Variants in NRXN3 observed in about 807,000 individuals in gnomAD.
The protein encoded by NRXN3 is neurexin 3, also known as neurexin III.
In NRXN3, 32 loss-of-function variants were observed where a neutral mutation model predicts 137.6. That is an observed-to-expected ratio of 0.23 (90% CI 0.18 to 0.31). The LOEUF is 0.31. Ranked by LOEUF, NRXN3 falls within the 10% of genes least tolerant of loss-of-function variation. The pLI is 1.00. For synonymous variants in NRXN3, 798 were observed against 784.5 expected (o/e 1.02, Z -0.29); for missense variants, 1,574 against 2,062.5 (o/e 0.76, Z 4.59).
intron 8 of NRXN3, among the ~76,000 whole-genome samples, chr14:78,778,641 C>A (rs1017962785): frequency 6.6e-6 from 1 of 151,682 alleles, no homozygotes; most frequent in Non-Finnish European, 1.5e-5. Flanking sequence ...AAAAAATTCT[C>A]ATTTCTTCCC....
intron 16 of NRXN3, among the ~76,000 whole-genome samples, chr14:79,471,688 T>C (rs1445305817): frequency 6.6e-6 from 1 of 152,090 alleles, no homozygotes; most frequent in African/African-American, 2.4e-5. Flanking sequence ...CATGGCTAGT[T>C]TGGGGATGTG....
chr14:78,416,172 C>T (rs576295924), intron 4 of NRXN3, among the ~76,000 whole-genome samples: 1 of 152,156 alleles, frequency 6.6e-6, no homozygotes, highest in Non-Finnish European at 1.5e-5. Flanking sequence ...AAGACTATCT[C>T]TCTTGGATAC....
chr14:78,988,666 G>A (rs940157841), intron 15 of NRXN3, among the ~76,000 whole-genome samples: 5 of 152,056 alleles, frequency 3.3e-5, no homozygotes, highest in East Asian at 1.9e-4. Flanking sequence ...AGCTTAAAGC[G>A]TTCTTGGGTA....
chr14:78,948,764 A>G (rs1303415281), intron 10 of NRXN3, among the ~76,000 whole-genome samples: 1 of 150,796 alleles, frequency 6.6e-6, no homozygotes, highest in African/African-American at 2.4e-5. Flanking sequence ...TTTCTGTTTC[A>G]TAATTAGCAA....
intron 15 of NRXN3, among the ~76,000 whole-genome samples, chr14:78,989,649 A>C (rs1048892634): frequency 3.3e-5 from 5 of 152,226 alleles, no homozygotes; most frequent in African/African-American, 1.2e-4. Flanking sequence ...AAACCCAGCC[A>C]GCCAGAGAAC....
At chr14:79,403,060 G>T (rs80130247) in intron 15 of NRXN3, among the ~76,000 whole-genome samples, 1 of 152,224 alleles carries the variant, frequency 6.6e-6, no homozygotes, top group Non-Finnish European at 1.5e-5. Context: ...TTTCTTTTGG[G>T]GGGTGAATGC....
intron 4 of NRXN3, among the ~76,000 whole-genome samples, chr14:78,498,526 G>A (rs1385741719): frequency 1.3e-5 from 2 of 152,048 alleles, no homozygotes; most frequent in Non-Finnish European, 2.9e-5. Context: ...TGACTTTATG[G>A]TATGTTTAAT....
chr14:78,725,318 T>C (rs2098478037), intron 8 of NRXN3, among the ~76,000 whole-genome samples: 1 of 152,232 alleles, frequency 6.6e-6, no homozygotes, highest in African/African-American at 2.4e-5. Flanking sequence ...CCATCAGCAA[T>C]GTTGTAAAGA....
chr14:79,217,793 A>C (rs1371194942), intron 15 of NRXN3, among the ~76,000 whole-genome samples: 3 of 152,204 alleles, frequency 2.0e-5, no homozygotes, highest in Non-Finnish European at 2.9e-5. Flanking sequence ...AAAGTTCCCT[A>C]GGTGATTGTA....
chr14:79,079,667 C>T (rs538072358), intron 15 of NRXN3, among the ~76,000 whole-genome samples: 6 of 152,004 alleles, frequency 3.9e-5, no homozygotes, highest in East Asian at 3.9e-4. Flanking sequence ...CTTTGGAAGA[C>T]GTGCCAATAG....
intron 4 of NRXN3, among the ~76,000 whole-genome samples, chr14:78,589,065 G>A (rs1188829208): frequency 6.6e-6 from 1 of 152,192 alleles, no homozygotes; most frequent in African/African-American, 2.4e-5. Context: ...TGGAGGGAAT[G>A]CCAAGTGTTT....
intron 1 of NRXN3, among the ~76,000 whole-genome samples, chr14:78,218,725 C>T (rs1380707235): frequency 6.6e-6 from 1 of 152,140 alleles, no homozygotes; most frequent in Admixed American, 6.5e-5. Flanking sequence ...TTTTTCTTAC[C>T]TTTGGGATTG....
chr14:79,324,865 A>G (rs907776393), intron 15 of NRXN3, among the ~76,000 whole-genome samples: 1 of 152,190 alleles, frequency 6.6e-6, no homozygotes, highest in Non-Finnish European at 1.5e-5. Context: ...TGTGTGTATT[A>G]TATGCATATG....
At chr14:78,585,921 G>A (rs1391301208) in intron 4 of NRXN3, among the ~76,000 whole-genome samples, 1 of 152,164 alleles carries the variant, frequency 6.6e-6, no homozygotes, top group African/African-American at 2.4e-5. Flanking sequence ...AGAATCATTA[G>A]CATACACATG....
chr14:78,178,354 G>A (rs887425032), intron 1 of NRXN3, among the ~76,000 whole-genome samples: 8 of 152,224 alleles, frequency 5.3e-5, no homozygotes, highest in Admixed American at 5.2e-4. Context: ...GGAGGAGGGG[G>A]CTGCTGGTTG....
chr14:79,714,180 G>GATGGATGTACAT (rs1309234530), intron 19 of NRXN3, among the ~76,000 whole-genome samples: 2 of 152,178 alleles, frequency 1.3e-5, no homozygotes, highest in African/African-American at 4.8e-5. Flanking sequence ...ATTAATGTTG[G>GATGGATGTACAT]ATGGATGTAC....
intron 14 of NRXN3, among the ~76,000 whole-genome samples, chr14:78,982,421 T>G (rs1251066187): frequency 1.3e-5 from 2 of 152,200 alleles, no homozygotes; most frequent in East Asian, 3.9e-4. Context: ...GTGAGGAACT[T>G]AATAGTTCTG....
intron 4 of NRXN3, among the ~76,000 whole-genome samples, chr14:78,318,943 C>T (rs892594921): frequency 9.8e-5 from 15 of 152,302 alleles, no homozygotes; most frequent in Middle Eastern, 3.4e-3. Flanking sequence ...TCTTGTTATA[C>T]GCAGGTTCTG....
At chr14:79,546,667 A>G (rs996828544) in intron 16 of NRXN3, among the ~76,000 whole-genome samples, 1 of 152,188 alleles carries the variant, frequency 6.6e-6, no homozygotes, top group Non-Finnish European at 1.5e-5. Flanking sequence ...CTTACTGTCA[A>G]TATGAGTCTC....
Sources: gnomAD v4.1 joint callset for allele counts (sites outside exome capture counted in the v4.1 genomes callset) on GRCh38, gnomAD v4.1.1 for gene constraint, MANE v1.5 for transcripts, NCBI Gene and HGNC (gene_info 2026-07-23, HGNC 2026-07-21) for gene names.